Variants in ZNF629 observed in about 807,000 individuals in gnomAD.
ZNF629 encodes the protein zinc finger protein 629, also known as DNA-binding protein.
Under a neutral mutation model 59.7 loss-of-function variants are expected in ZNF629, and 9 were observed. The ratio of observed to expected loss-of-function variants is 0.15; its 90% CI spans 0.09 to 0.26. ZNF629 has a LOEUF of 0.26. Ranked by LOEUF, ZNF629 falls within the 10% of genes least tolerant of loss-of-function variation. The probability of loss-of-function intolerance (pLI) is 1.00; values close to 1 mark genes in which losing one functional copy is unlikely to be tolerated. For synonymous variants in ZNF629, 509 were observed against 498.9 expected, an observed-to-expected ratio of 1.02 and a Z score of -0.27; for missense variants, 853 against 1,165.4, an observed-to-expected ratio of 0.73 and a Z score of 3.90.
chr16:30,787,015 G>T lies in ZNF629; in HGVS notation c.-34+13C>A, dbSNP rs1404220083. ...CAGGCCACCCCCCGGGAACCCAGGC[G>T]TCCCCAACTCACGGCTCTGGGGTCT... On this transcript the variant is annotated intron_variant, in intron 1 of 2. Transcript: ENST00000262525. The T allele has an allele frequency of 1.3e-5, 2 of 152,506 alleles. No individual in the cohort carries two copies. Among genetic ancestry groups the T allele is most frequent in the African/African-American group, 4.8e-5 (2 of 41,424 alleles). The allele number at this position is 152,506 out of a possible 1,614,324, so 9.4% of individuals were successfully genotyped here.
Position 30,781,604 on chromosome 16 carries a change from C to T in ZNF629, c.*114G>A, listed in dbSNP as rs1596775843. On this transcript the variant is annotated 3_prime_UTR_variant, in exon 3 of 3. Transcript: ENST00000262525. ...ATTTTTTCCCAGGGTTCTTTCTCCT[C>T]CACTCCACTACCATCTGATAGGGTT... 1 of 1,063,226 alleles carries T rather than the reference C, an allele frequency of 9.4e-7. No individual in the cohort carries two copies. Among genetic ancestry groups the T allele is most frequent in the East Asian group, 3.1e-5 (1 of 32,024 alleles). 65.9% of individuals were successfully genotyped at this position (1,063,226 alleles called of 1,614,324 possible).
rs773671434 is a variant in ZNF629, at chr16:30,782,861, G to A, written c.1467C>T (p.Pro489=). The change falls in exon 3 of 3, where the codon CCC becomes CCT. Residue 489 remains proline (P), a synonymous_variant. Coordinates refer to ENST00000262525, the MANE Select transcript of ZNF629 (RefSeq NM_001080417.3). ...TCTGGCTGAAGCTCTTGCCGCACTC[G>A]GGGCACTTGTAGGGCTTCTCGCCGG... ...THTGEKPYKC[P]ECGKSFSQSS... The A allele has an allele frequency of 1.6e-5, 26 of 1,610,512 alleles. No individual in the cohort carries two copies. The highest frequency in any genetic ancestry group is 2.0e-5 in the Non-Finnish European group (24 of 1,178,872).
Position 30,782,399 on chromosome 16 carries a change from C to A in ZNF629, c.1929G>T (p.Pro643=). Residue 643 remains proline, a synonymous_variant, in exon 3 of 3, where the codon CCG becomes CCT. Transcript: ENST00000262525. ...GGCTGAAGCCCTCCTGACCCTCCGGCGGCTTAAGGGGCTGTCCGGGGGCCT... is the reference window on the plus strand; with the variant it reads ...GGCTGAAGCCCTCCTGACCCTCCGGAGGCTTAAGGGGCTGTCCGGGGGCCT... ...RAEAPGQPLK[P]PEGQEGFSQR... 6.4e-7 allele frequency: 1 copy of A among 1,571,780 alleles called. No homozygotes were observed. The highest frequency in any genetic ancestry group is 8.6e-7 in the Non-Finnish European group (1 of 1,158,410).
intron 2 of ZNF629, 66 bp from the exon 3 acceptor site, chr16:30,784,320 C>T: frequency 6.4e-7 from 1 of 1,550,752 alleles, no homozygotes; most frequent in Non-Finnish European, 8.7e-7. Context: ...GTCTCTCTTC[C>T]CTCCCCCGGG....
Position 30,781,708 on chromosome 16 carries a change from C to A in ZNF629, c.*10G>T. 1 of 1,601,410 alleles carries A rather than the reference C, an allele frequency of 6.2e-7. No homozygotes were observed. The highest frequency in any genetic ancestry group is 8.5e-7 in the Non-Finnish European group (1 of 1,174,462). On this transcript the variant is annotated 3_prime_UTR_variant, in exon 3 of 3. Transcript: ENST00000262525. The stretch of plus-strand genomic sequence containing the variant: ...TGGAGAGAGCGAGGCCCCTGGTCTC[C>A]AGACCCATTTCACAGGGAGACACCT...
At chr16:30,784,382 G>A (rs1435395007) in intron 2 of ZNF629, 28 bp downstream of exon 2, 2 of 1,552,194 alleles carry the variant, frequency 1.3e-6, no homozygotes, top group South Asian at 1.2e-5. Context: ...GTCTTGCCGG[G>A]ACCGCAGCCC....
chr16:30,785,012 C>A (rs1175855213), intron 1 of ZNF629, among the ~76,000 whole-genome samples: 1 of 152,004 alleles, frequency 6.6e-6, no homozygotes, highest in Non-Finnish European at 1.5e-5. Context: ...GAAAAAAAAA[C>A]ACCCCAGTTT....
Position 30,782,254 on chromosome 16 carries a change from A to G in ZNF629, c.2074T>C (p.Phe692Leu), listed in dbSNP as rs1448656409. 4 of 1,613,524 alleles carry G rather than the reference A, an allele frequency of 2.5e-6. No individual in the cohort carries two copies. Among genetic ancestry groups the G allele is most frequent in the East Asian group, 2.2e-5 (1 of 44,858 alleles). The part of the protein sequence containing the change: ...LTHGNEKPFL[F>L]PDYRIGLGEG... The stretch of plus-strand genomic sequence containing the variant: ...CCTAGGCCAATTCTATAATCAGGAA[A>G]GAGAAAGGGCTTTTCGTTGCCGTGG... Residue 692 changes from phenylalanine (F) to leucine (L), a missense_variant, in exon 3 of 3, where the codon TTT becomes CTT. Phe to Leu is a conservative substitution (Grantham distance 22). Around this residue, in one of 3 missense-constraint regions of ZNF629, gnomAD observed 420 missense variants for 435.6 expected, o/e 0.96. Transcript: ENST00000262525.
In ZNF629 at chr16:30,782,636, C is replaced by T. The variant is rs763344745; in HGVS notation, c.1692G>A (p.Pro564=). The change falls in exon 3 of 3, where the codon CCG becomes CCA. Residue 564 remains proline (P), a synonymous_variant. Coordinates refer to ENST00000262525, the MANE Select transcript of ZNF629 (RefSeq NM_001080417.3). The part of the protein sequence containing the change: ...LGDPSLLTPP[P]GAKPHKCLVC... Reference sequence around the variant, plus strand: ...CGAGACACTTGTGCGGCTTGGCTCCCGGCGGCGGGGTCAGCAGGGAGGGGT... The same window carrying T: ...CGAGACACTTGTGCGGCTTGGCTCCTGGCGGCGGGGTCAGCAGGGAGGGGT... 1.9e-6 allele frequency: 3 copies of T among 1,573,712 alleles called. No homozygotes were observed. In the South Asian group the frequency reaches 3.4e-5, roughly 18 times the overall value.
Position 30,783,056 on chromosome 16 carries a change from G to A in ZNF629, c.1272C>T (p.His424=), listed in dbSNP as rs1475197657. The A allele has an allele frequency of 1.9e-6, 3 of 1,614,120 alleles. No individual in the cohort carries two copies. In the South Asian group the frequency reaches 3.3e-5, roughly 18 times the overall value. The part of the protein sequence containing the change: ...SSNLINHQRI[H]RGERPYICAD... Reference sequence around the variant, plus strand: ...CGCAGATGTAGGGCCGCTCGCCGCGGTGGATGCGCTGGTGGTTGATGAGGT... The same window carrying A: ...CGCAGATGTAGGGCCGCTCGCCGCGATGGATGCGCTGGTGGTTGATGAGGT... Residue 424 remains histidine (H), a synonymous_variant, in exon 3 of 3, where the codon CAC becomes CAT. Transcript: ENST00000262525.
chr16:30,779,501 C>T lies in ZNF629; in HGVS notation c.*2217G>A, dbSNP rs1255208033. Reference sequence around the variant, plus strand: ...AGGAAGAGACCCACAGGCAGCACCCCCCTCAGTAGTGCTTCCCTTCCTGGC... The same window carrying T: ...AGGAAGAGACCCACAGGCAGCACCCTCCTCAGTAGTGCTTCCCTTCCTGGC... On this transcript the variant is annotated 3_prime_UTR_variant, in exon 3 of 3. Coordinates refer to ENST00000262525, the MANE Select transcript of ZNF629 (RefSeq NM_001080417.3). The T allele has an allele frequency of 6.6e-6, 1 of 152,268 alleles. No individual in the cohort carries two copies. The highest frequency in any genetic ancestry group is 1.5e-5 in the Non-Finnish European group (1 of 68,104). The allele number at this position is 152,268 out of a possible 1,614,324, so 9.4% of individuals were successfully genotyped here.
In ZNF629 at chr16:30,778,466, T is replaced by C. The variant is rs1366063865; in HGVS notation, c.*3252A>G. 6.6e-6 allele frequency: 1 copy of C among 152,524 alleles called. No homozygotes were observed. Among genetic ancestry groups the C allele is most frequent in the Non-Finnish European group, 1.5e-5 (1 of 68,032 alleles). 9.4% of individuals were successfully genotyped at this position (152,524 alleles called of 1,614,324 possible). On this transcript the variant is annotated 3_prime_UTR_variant, in exon 3 of 3. Transcript: ENST00000262525. Reference sequence around the variant, plus strand: ...ACAAGAAACACCCAGGAAATCTTATTCCCTTTATTCTCTTCAACTAAGCAA... The same window carrying C: ...ACAAGAAACACCCAGGAAATCTTATCCCCTTTATTCTCTTCAACTAAGCAA...
Position 30,782,300 on chromosome 16 carries a change from C to T in ZNF629, c.2028G>A (p.Val676=), listed in dbSNP as rs61729947. Residue 676 remains valine, a synonymous_variant, in exon 3 of 3, where the codon GTG becomes GTA. Transcript: ENST00000262525. ...CGTGGGTGAGCTGATGCTGGAGGAG[C>T]ACAGAGCGATCCAGGAAGCTCTCTC... is the stretch of plus-strand genomic sequence containing the variant. The part of the protein sequence containing the change: ...HCGESFLDRS[V]LLQHQLTHGN... 7.2e-3 allele frequency: 11,569 copies of T among 1,611,352 alleles called. 427 individuals carry two copies. The Admixed American group carries it at 0.09, about 13-fold the overall frequency.
In ZNF629 at chr16:30,784,162, T is replaced by C. The variant is rs2054309926; in HGVS notation, c.166A>G (p.Lys56Glu). Residue 56 changes from lysine to glutamate, a missense_variant, in exon 3 of 3, where the codon AAG becomes GAG. By Grantham distance (56) the Lys-to-Glu change is moderately conservative. Transcript: ENST00000262525. ...TCCAGGGACATCTCTGTTGAGTCCT[T>C]GGATTCTGGACTCTGAGCCGGGTCT... is the stretch of plus-strand genomic sequence containing the variant. ...MGDPAQSPES[K>E]DSTEMSLERS... is the part of the protein sequence containing the mutation. The C allele has an allele frequency of 1.2e-6, 2 of 1,609,848 alleles. No individual in the cohort carries two copies. The highest frequency in any genetic ancestry group is 1.7e-6 in the Non-Finnish European group (2 of 1,178,990).
rs1190653276 is a variant in ZNF629, at chr16:30,778,616, C to T, written c.*3102G>A. ...TAGTGAGGGCAAAGGAGTCTGGGAGCTGCTGACCTCAGGGCAGGTCATGGA... is the reference window on the plus strand; with the variant it reads ...TAGTGAGGGCAAAGGAGTCTGGGAGTTGCTGACCTCAGGGCAGGTCATGGA... On this transcript the variant is annotated 3_prime_UTR_variant, in exon 3 of 3. Coordinates refer to ENST00000262525, the MANE Select transcript of ZNF629 (RefSeq NM_001080417.3). The T allele has an allele frequency of 6.6e-6, 1 of 152,650 alleles. No individual in the cohort carries two copies. Among genetic ancestry groups the T allele is most frequent in the Non-Finnish European group, 1.5e-5 (1 of 68,120 alleles). 9.5% of individuals were successfully genotyped at this position (152,650 alleles called of 1,614,324 possible).
At position 30,782,627 on chromosome 16, in the gene ZNF629, C is replaced by G; in HGVS notation, c.1701G>C (p.Lys567Asn). Residue 567 changes from lysine to asparagine, a missense_variant, in exon 3 of 3, where the codon AAG (lysine) becomes AAC (asparagine). By Grantham distance (94) the Lys-to-Asn change is moderately conservative. Around this residue, in one of 3 missense-constraint regions of ZNF629, gnomAD observed 420 missense variants for 435.6 expected, o/e 0.96. Coordinates refer to ENST00000262525, the MANE Select transcript of ZNF629 (RefSeq NM_001080417.3). ...TTCCGCACACGAGACACTTGTGCGG[C>G]TTGGCTCCCGGCGGCGGGGTCAGCA... is the stretch of plus-strand genomic sequence containing the variant. ...PSLLTPPPGA[K>N]PHKCLVCGKG... The G allele has an allele frequency of 6.4e-7, 1 of 1,571,514 alleles. No individual in the cohort carries two copies. Among genetic ancestry groups the G allele is most frequent in the Non-Finnish European group, 8.6e-7 (1 of 1,158,252 alleles).
Position 30,783,043 on chromosome 16 carries a change from G to T in ZNF629, c.1285C>A (p.Pro429Thr). The T allele has an allele frequency of 6.2e-7, 1 of 1,614,070 alleles. No homozygotes were observed. Among genetic ancestry groups the T allele is most frequent in the Non-Finnish European group, 8.5e-7 (1 of 1,180,002 alleles). The change falls in exon 3 of 3, where the codon CCC becomes ACC. Residue 429 changes from proline to threonine, a missense_variant. Pro to Thr is a conservative substitution (Grantham distance 38, BLOSUM62 -1). Transcript: ENST00000262525. ...TTGCCGCAGTCGGCGCAGATGTAGG[G>T]CCGCTCGCCGCGGTGGATGCGCTGG... is the stretch of plus-strand genomic sequence containing the variant. ...NHQRIHRGER[P>T]YICADCGKSF... is the part of the protein sequence containing the mutation.
chr16:30,781,633 C>G lies in ZNF629; in HGVS notation c.*85G>C, dbSNP rs1157237115. 1.0e-5 allele frequency: 14 copies of G among 1,350,576 alleles called. No homozygotes were observed. The highest frequency in any genetic ancestry group is 1.4e-5 in the Non-Finnish European group (14 of 1,020,678). The allele number at this position is 1,350,576 out of a possible 1,614,324, so 83.7% of individuals were successfully genotyped here. On this transcript the variant is annotated 3_prime_UTR_variant, in exon 3 of 3. Transcript: ENST00000262525. ...TCCACTACCATCTGATAGGGTTATC[C>G]TCCCTTCCCCATGTAATTTTTTTGG...
In ZNF629 at chr16:30,781,044, C is replaced by T. The variant is rs932326102; in HGVS notation, c.*674G>A. 1 of 152,186 alleles carries T rather than the reference C, an allele frequency of 6.6e-6. No homozygotes were observed. Among genetic ancestry groups the T allele is most frequent in the Non-Finnish European group, 1.5e-5 (1 of 68,042 alleles). The allele number at this position is 152,186 out of a possible 1,614,324, so 9.4% of individuals were successfully genotyped here. A position where few individuals can be genotyped will look rare whatever the true frequency, so the allele number is the denominator to read the frequency against. On this transcript the variant is annotated 3_prime_UTR_variant, in exon 3 of 3. Transcript: ENST00000262525. ...CACACAATGCATCTAACATTGTCCT[C>T]AAACCCCAAGGACCCCAGTGCAGTG...
Sources: gnomAD v4.1 joint callset for allele counts (sites outside exome capture counted in the v4.1 genomes callset) on GRCh38, gnomAD v4.1.1 for gene constraint, gnomAD v4.1.1 regional missense constraint, MANE v1.5 for transcripts, NCBI Gene and HGNC (gene_info 2026-07-23, HGNC 2026-07-21) for gene names.